KLF6: variants seen among roughly 807,000 people sequenced by gnomAD.
KLF6 encodes the protein Krueppel-like factor 6.
For missense variants in KLF6, 233 were observed against 359.8 expected (o/e 0.65, Z 2.85); for synonymous variants, 152 against 147.9 (o/e 1.03, Z -0.20).
Position 3,776,420 on chromosome 10 carries a change from G to A in KLF6, c.*3119C>T, listed in dbSNP as rs933363055. On this transcript the variant is annotated 3_prime_UTR_variant, in exon 4 of 4. Transcript: ENST00000497571. ...CAGGACAGGCTGTGGAAAGAGGAAG[G>A]GGCTGAGGTCGGTGAGTTGTTCTCA... 1.9e-6 allele frequency: 1 copy of A among 532,162 alleles called. No homozygotes were observed. The highest frequency in any genetic ancestry group is 3.6e-6 in the Non-Finnish European group (1 of 275,146). 33.0% of individuals were successfully genotyped at this position (532,162 alleles called of 1,614,324 possible).
chr10:3,779,982 G>A, intron 3 of KLF6, 124 bp downstream of exon 3: 2 of 1,275,266 alleles, frequency 1.6e-6, no homozygotes, highest in Non-Finnish European at 2.2e-6. Context: ...GGCTTGAAAA[G>A]AAATGTTCAC....
Position 3,778,584 on chromosome 10 carries a change from C to T in KLF6, c.*955G>A, listed in dbSNP as rs1261212340. ...CATTTAAAAATAATCCTGTGTTGCACAATGCCTTTCTGGAAGGGGAGTGTT... is the reference window on the plus strand; with the variant it reads ...CATTTAAAAATAATCCTGTGTTGCATAATGCCTTTCTGGAAGGGGAGTGTT... On this transcript the variant is annotated 3_prime_UTR_variant, in exon 4 of 4. Coordinates refer to ENST00000497571, the MANE Select transcript of KLF6 (RefSeq NM_001300.6). 1.9e-6 allele frequency: 1 copy of T among 517,580 alleles called. No individual in the cohort carries two copies. The highest frequency in any genetic ancestry group is 3.8e-6 in the Non-Finnish European group (1 of 266,378). 32.1% of individuals were successfully genotyped at this position (517,580 alleles called of 1,614,324 possible). A position where few individuals can be genotyped will look rare whatever the true frequency, so the allele number is the denominator to read the frequency against.
chr10:3,782,293 G>T lies in KLF6; in HGVS notation c.103-79C>A. ...AAGCAAAAGCAATTTCCAAAAACAT[G>T]CAAGAATGAAGGACAGATAACATTG... On this transcript the variant is annotated intron_variant, in intron 1 of 3. Transcript: ENST00000497571. The surrounding 1 kb of genome is among the most constrained non-coding windows in gnomAD (Gnocchi z 4.3). 1.7e-6 allele frequency: 2 copies of T among 1,198,426 alleles called. No individual in the cohort carries two copies. Among genetic ancestry groups the T allele is most frequent in the Non-Finnish European group, 2.4e-6 (2 of 822,784 alleles). 74.2% of individuals were successfully genotyped at this position (1,198,426 alleles called of 1,614,324 possible). A position where few individuals can be genotyped will look rare whatever the true frequency, so the allele number is the denominator to read the frequency against.
At chr10:3,784,778 C>T in intron 1 of KLF6, 135 bp downstream of exon 1, 1 of 772,016 alleles carries the variant, frequency 1.3e-6, no homozygotes, top group Non-Finnish European at 1.9e-6. Context: ...TCGGCGGGGG[C>T]GCTGCGCCCG....
chr10:3,777,371 A>C lies in KLF6; in HGVS notation c.*2168T>G, dbSNP rs747705208. 1.6e-5 allele frequency: 8 copies of C among 513,802 alleles called. No individual in the cohort carries two copies. The highest frequency in any genetic ancestry group is 6.8e-5 in the Admixed American group (3 of 44,308). The allele number at this position is 513,802 out of a possible 1,614,324, so 31.8% of individuals were successfully genotyped here. ...GAAAAAATAGCTTCATCTGCATAAA[A>C]AGTGTTCTACAAAAGAATCCCTGTG... On this transcript the variant is annotated 3_prime_UTR_variant, in exon 4 of 4. Coordinates refer to ENST00000497571, the MANE Select transcript of KLF6 (RefSeq NM_001300.6).
chr10:3,784,113 A>C (rs1300194012), intron 1 of KLF6, among the ~76,000 whole-genome samples: 1 of 152,204 alleles, frequency 6.6e-6, no homozygotes, highest in South Asian at 2.1e-4. Flanking sequence ...AGACAACAGT[A>C]AACCCTCCTG....
In KLF6 at chr10:3,780,519, C is replaced by T. The variant is rs112583381; in HGVS notation, c.677-290G>A. 40 of 475,312 alleles carry T rather than the reference C, an allele frequency of 8.4e-5. No individual in the cohort carries two copies. The highest frequency in any genetic ancestry group is 7.2e-4 in the African/African-American group (37 of 51,066). The allele number at this position is 475,312 out of a possible 1,614,324, so 29.4% of individuals were successfully genotyped here. The stretch of plus-strand genomic sequence containing the variant: ...ACGACTCAGACCAGCAAAATGCTTG[C>T]GGGATGAGGTGTCAGCCTGCCGGAC... On this transcript the variant is annotated intron_variant, in intron 2 of 3. Transcript: ENST00000497571. The surrounding 1 kb of genome is among the most constrained non-coding windows in gnomAD (Gnocchi z 4.6).
Position 3,778,750 on chromosome 10 carries a change from G to A in KLF6, c.*789C>T, listed in dbSNP as rs1389989874. 1 of 530,298 alleles carries A rather than the reference G, an allele frequency of 1.9e-6. No homozygotes were observed. Among genetic ancestry groups the A allele is most frequent in the Non-Finnish European group, 3.7e-6 (1 of 273,836 alleles). 32.8% of individuals were successfully genotyped at this position (530,298 alleles called of 1,614,324 possible). A position where few individuals can be genotyped will look rare whatever the true frequency, so the allele number is the denominator to read the frequency against. Reference sequence around the variant, plus strand: ...TGACTTAAAAATGGAAAAGCATATAGTTCCCCAGACCATGCATGACTTTTT... The same window carrying A: ...TGACTTAAAAATGGAAAAGCATATAATTCCCCAGACCATGCATGACTTTTT... On this transcript the variant is annotated 3_prime_UTR_variant, in exon 4 of 4. Transcript: ENST00000497571.
chr10:3,779,082 C>A lies in KLF6; in HGVS notation c.*457G>T. 2 of 535,768 alleles carry A rather than the reference C, an allele frequency of 3.7e-6. No individual in the cohort carries two copies. Among genetic ancestry groups the A allele is most frequent in the Non-Finnish European group, 7.2e-6 (2 of 277,214 alleles). 33.2% of individuals were successfully genotyped at this position (535,768 alleles called of 1,614,324 possible). A position where few individuals can be genotyped will look rare whatever the true frequency, so the allele number is the denominator to read the frequency against. On this transcript the variant is annotated 3_prime_UTR_variant, in exon 4 of 4. Transcript: ENST00000497571. ...TTTTTTTTTCTAAGGTGCAGACACC[C>A]CCTCCCCCCAAGGAAATGATTGGTG... is the stretch of plus-strand genomic sequence containing the variant.
In KLF6 at chr10:3,778,937, G is replaced by C. The variant is rs1409073971; in HGVS notation, c.*602C>G. On this transcript the variant is annotated 3_prime_UTR_variant, in exon 4 of 4. Transcript: ENST00000497571. ...CTAAGAGTTCCTCTCACACAGAAAA[G>C]GGGGAGAGAGGCTCTCCCTCCCCAC... is the stretch of plus-strand genomic sequence containing the variant. The C allele has an allele frequency of 1.9e-6, 1 of 534,796 alleles. No individual in the cohort carries two copies. Among genetic ancestry groups the C allele is most frequent in the Non-Finnish European group, 3.6e-6 (1 of 276,666 alleles). The allele number at this position is 534,796 out of a possible 1,614,324, so 33.1% of individuals were successfully genotyped here.
rs911494415 is a variant in KLF6, at chr10:3,778,139, C to G, written c.*1400G>C. 3.9e-5 allele frequency: 20 copies of G among 519,164 alleles called. No individual in the cohort carries two copies. Among genetic ancestry groups the G allele is most frequent in the Non-Finnish European group, 6.7e-5 (18 of 266,870 alleles). The allele number at this position is 519,164 out of a possible 1,614,324, so 32.2% of individuals were successfully genotyped here. Reference sequence around the variant, plus strand: ...ACTGACATGTAAAGGGAGTTTCACTCTATGTCTTTGTGAAGGAGGACCTTA... The same window carrying G: ...ACTGACATGTAAAGGGAGTTTCACTGTATGTCTTTGTGAAGGAGGACCTTA... On this transcript the variant is annotated 3_prime_UTR_variant, in exon 4 of 4. Transcript: ENST00000497571.
Position 3,785,168 on chromosome 10 carries a change from G to C in KLF6, c.-154C>G. ...GCCGGACCCTCCCGCAGCCCGCAGC[G>C]CGCGGAGCCCACACAATATTTGCAA... On this transcript the variant is annotated 5_prime_UTR_variant, in exon 1 of 4. Transcript: ENST00000497571. 9 of 1,462,748 alleles carry C rather than the reference G, an allele frequency of 6.2e-6. No homozygotes were observed. Among genetic ancestry groups the C allele is most frequent in the Non-Finnish European group, 8.3e-6 (9 of 1,080,030 alleles). 90.6% of individuals were successfully genotyped at this position (1,462,748 alleles called of 1,614,324 possible).
At position 3,780,318 on chromosome 10, in the gene KLF6, T is replaced by G. The variant is rs1033240141; in HGVS notation, c.677-89A>C. ...TTCAACAACACACACAGTGGTGGGA[T>G]GCAAGGCCAGGGACCCAGTGGCTTC... On this transcript the variant is annotated intron_variant, in intron 2 of 3. Coordinates refer to ENST00000497571, the MANE Select transcript of KLF6 (RefSeq NM_001300.6). This position sits in a 1 kb window ranked among gnomAD's most constrained non-coding sequence, Gnocchi z 4.6. 39 of 1,549,572 alleles carry G rather than the reference T, an allele frequency of 2.5e-5. No homozygotes were observed. In the Admixed American group the frequency reaches 2.7e-4, roughly 11 times the overall value.
rs1392918538 is a variant in KLF6 at position 3,777,229 on chromosome 10, TA to T, written c.*2309del. On this transcript the variant is annotated 3_prime_UTR_variant, in exon 4 of 4. Transcript: ENST00000497571. ...AGACTCACATGTGTGTATATATATATAAAGCAAAGAGCCACACCCACAAGCC... is the reference window on the plus strand; with the variant it reads ...AGACTCACATGTGTGTATATATATATAAGCAAAGAGCCACACCCACAAGCC... 3 of 514,858 alleles carry T rather than the reference TA, an allele frequency of 5.8e-6. No homozygotes were observed. The highest frequency in any genetic ancestry group is 1.9e-5 in the African/African-American group (1 of 52,568). The allele number at this position is 514,858 out of a possible 1,614,324, so 31.9% of individuals were successfully genotyped here. A position where few individuals can be genotyped will look rare whatever the true frequency, so the allele number is the denominator to read the frequency against.
chr10:3,779,415 G>T lies in KLF6; in HGVS notation c.*124C>A. 1.2e-6 allele frequency: 1 copy of T among 823,498 alleles called. No homozygotes were observed. The allele number at this position is 823,498 out of a possible 1,614,324, so 51.0% of individuals were successfully genotyped here. A position where few individuals can be genotyped will look rare whatever the true frequency, so the allele number is the denominator to read the frequency against. The stretch of plus-strand genomic sequence containing the variant: ...GCCCTCAAAAGACCTTCCAAGGAGA[G>T]GCCCTGGAGGCAACTGGGTAGGGTG... On this transcript the variant is annotated 3_prime_UTR_variant, in exon 4 of 4. Transcript: ENST00000497571.
In KLF6 at chr10:3,779,288, G is replaced by A. The variant is rs1832467922; in HGVS notation, c.*251C>T. On this transcript the variant is annotated 3_prime_UTR_variant, in exon 4 of 4. Transcript: ENST00000497571. The stretch of plus-strand genomic sequence containing the variant: ...TCTCAGTGTGCATGCTCACGGCAAA[G>A]GCTTAGGCGCCGCTCGGAAGGGCGG... The A allele has an allele frequency of 1.5e-6, 1 of 647,930 alleles. No individual in the cohort carries two copies. Among genetic ancestry groups the A allele is most frequent in the African/African-American group, 1.8e-5 (1 of 56,384 alleles). 40.1% of individuals were successfully genotyped at this position (647,930 alleles called of 1,614,324 possible).
Position 3,780,346 on chromosome 10 carries a change from G to T in KLF6, c.677-117C>A. ...AAGGCCAGGGACCCAGTGGCTTCTG[G>T]CATCGGTAACACACAACAACTGGCA... On this transcript the variant is annotated intron_variant, in intron 2 of 3. Transcript: ENST00000497571. This position sits in a 1 kb window ranked among gnomAD's most constrained non-coding sequence, Gnocchi z 4.6. 7.8e-7 allele frequency: 1 copy of T among 1,275,840 alleles called. No homozygotes were observed. The highest frequency in any genetic ancestry group is 1.1e-6 in the Non-Finnish European group (1 of 886,200). The allele number at this position is 1,275,840 out of a possible 1,614,324, so 79.0% of individuals were successfully genotyped here.
chr10:3,779,351 C>A lies in KLF6; in HGVS notation c.*188G>T, dbSNP rs374579672. On this transcript the variant is annotated 3_prime_UTR_variant, in exon 4 of 4. Coordinates refer to ENST00000497571, the MANE Select transcript of KLF6 (RefSeq NM_001300.6). ...AGTCCAGGGTCACCCACATACCATG[C>A]ACCACGGGTGCTATGCCGCTTCTTA... 1 of 685,774 alleles carries A rather than the reference C, an allele frequency of 1.5e-6. No individual in the cohort carries two copies. Among genetic ancestry groups the A allele is most frequent in the South Asian group, 1.5e-5 (1 of 66,522 alleles). The allele number at this position is 685,774 out of a possible 1,614,324, so 42.5% of individuals were successfully genotyped here.
In KLF6 at chr10:3,776,047, G is replaced by C. The variant is rs1454824261; in HGVS notation, c.*3492C>G. The C allele has an allele frequency of 1.9e-6, 1 of 513,162 alleles. No individual in the cohort carries two copies. Among genetic ancestry groups the C allele is most frequent in the Admixed American group, 2.3e-5 (1 of 44,438 alleles). The allele number at this position is 513,162 out of a possible 1,614,324, so 31.8% of individuals were successfully genotyped here. ...TGCCCTCCTTGACTGAGAGTGGGCT[G>C]AGGTTGTGAGAACAGCCCTCTGGCC... On this transcript the variant is annotated 3_prime_UTR_variant, in exon 4 of 4. Coordinates refer to ENST00000497571, the MANE Select transcript of KLF6 (RefSeq NM_001300.6).
Sources: gnomAD v4.1 joint callset for allele counts (sites outside exome capture counted in the v4.1 genomes callset) on GRCh38, gnomAD v4.1.1 for gene constraint, Gnocchi (gnomAD v3.1) non-coding constraint, MANE v1.5 for transcripts, NCBI Gene and HGNC (gene_info 2026-07-23, HGNC 2026-07-21) for gene names.